The following CBLB variants were observed in gnomAD, a reference collection of about 807,000 sequenced individuals.
The protein encoded by CBLB is Cbl proto-oncogene B.
Under a neutral mutation model 104.9 loss-of-function variants are expected in CBLB, and 31 were observed. The observed-to-expected ratio is 0.30, with a 90% CI of 0.22 to 0.40. CBLB has a LOEUF of 0.40. Among genes scored for constraint, CBLB ranks in the 10% least tolerant of loss-of-function variants. The probability of loss-of-function intolerance (pLI) is 1.00; values close to 1 mark genes in which losing one functional copy is unlikely to be tolerated. For synonymous variants in CBLB, 440 were observed against 422.6 expected, an observed-to-expected ratio of 1.04 and a Z score of -0.51; for missense variants, 1,062 against 1,214.6, an observed-to-expected ratio of 0.87 and a Z score of 1.87.
At chr3:105,755,016 C>CTTTTTTTTTTT (rs67405809) in intron 4 of CBLB, among the ~76,000 whole-genome samples, 1 of 143,834 alleles carries the variant, frequency 7.0e-6, no homozygotes, top group Non-Finnish European at 1.5e-5. Context: ...AGTATCTTTT[C>CTTTTTTTTTTT]TTTTTTTTTT....
intron 4 of CBLB, among the ~76,000 whole-genome samples, chr3:105,768,837 C>A (rs2078519922): frequency 6.6e-6 from 1 of 151,888 alleles, no homozygotes; most frequent in Non-Finnish European, 1.5e-5. Context: ...ATGAACTGAA[C>A]TTAAAGAAAG....
At chr3:105,673,284 G>C (rs2152704234) in intron 17 of CBLB, 1 of 152,250 alleles carries the variant, frequency 6.6e-6, no homozygotes, top group South Asian at 2.1e-4. Flanking sequence ...GGCCAGGCTG[G>C]TGTCAAATTC....
At chr3:105,787,934 TAATG>T (rs2081209888) in intron 3 of CBLB, among the ~76,000 whole-genome samples, 1 of 152,216 alleles carries the variant, frequency 6.6e-6, no homozygotes, top group African/African-American at 2.4e-5. Context: ...TGTTTCATGT[TAATG>T]AATAGTAAAC....
chr3:105,818,943 A>T (rs1034845762), intron 3 of CBLB, among the ~76,000 whole-genome samples: 2 of 152,180 alleles, frequency 1.3e-5, no homozygotes, highest in Non-Finnish European at 2.9e-5. Flanking sequence ...TATAGTGAAA[A>T]AGTTTGTTTC....
At chr3:105,681,197 T>C (rs72993717) in intron 16 of CBLB, 195 of 503,338 alleles carry the variant, frequency 3.9e-4, no homozygotes, top group African/African-American at 3.1e-3. Context: ...TCAAAACTAC[T>C]AGAGCACAAA....
At chr3:105,748,963 T>C (rs1266910790) in intron 5 of CBLB, among the ~76,000 whole-genome samples, 3 of 152,192 alleles carry the variant, frequency 2.0e-5, no homozygotes, top group Non-Finnish European at 4.4e-5. Flanking sequence ...TAACTACTAA[T>C]ATCATGGCTA....
chr3:105,806,671 A>T (rs1174698276), intron 3 of CBLB, among the ~76,000 whole-genome samples: 8 of 151,892 alleles, frequency 5.3e-5, no homozygotes, highest in Non-Finnish European at 1.2e-4. Context: ...GTTACTTTTA[A>T]TTTTTTTTCA....
At chr3:105,756,969 T>A (rs578037511) in intron 4 of CBLB, among the ~76,000 whole-genome samples, 1 of 152,264 alleles carries the variant, frequency 6.6e-6, no homozygotes, top group African/African-American at 2.4e-5. Flanking sequence ...TCTGGTTGTT[T>A]AAGTGCACGG....
intron 6 of CBLB, among the ~76,000 whole-genome samples, chr3:105,741,661 C>T (rs2075601071): frequency 6.6e-6 from 1 of 152,118 alleles, no homozygotes; most frequent in Non-Finnish European, 1.5e-5. Context: ...TCCCAAAGTG[C>T]TGGGATTACA....
intron 3 of CBLB, among the ~76,000 whole-genome samples, chr3:105,782,452 T>C (rs897646719): frequency 5.3e-5 from 8 of 152,124 alleles, no homozygotes; most frequent in Admixed American, 3.3e-4. Flanking sequence ...TAAAGGAAGA[T>C]CTTACATTTC....
At chr3:105,782,511 C>T (rs2080381281) in intron 3 of CBLB, among the ~76,000 whole-genome samples, 1 of 152,118 alleles carries the variant, frequency 6.6e-6, no homozygotes, top group African/African-American at 2.4e-5. Flanking sequence ...GAGGTTACAC[C>T]CAAAATTCTG....
At chr3:105,700,221 C>A (rs1449854246) in intron 12 of CBLB, among the ~76,000 whole-genome samples, 3 of 151,776 alleles carry the variant, frequency 2.0e-5, no homozygotes, top group Non-Finnish European at 4.4e-5. Flanking sequence ...AAATTAACAG[C>A]CAGTTTTCTA....
chr3:105,813,249 TAG>T (rs1418438204), intron 3 of CBLB, among the ~76,000 whole-genome samples: 2 of 152,092 alleles, frequency 1.3e-5, no homozygotes, highest in East Asian at 3.8e-4. Flanking sequence ...TCAAATTAAC[TAG>T]ATCAAACAAA....
intron 13 of CBLB, among the ~76,000 whole-genome samples, chr3:105,688,349 C>A (rs3772538): frequency 2.0e-5 from 3 of 151,986 alleles, no homozygotes; most frequent in Non-Finnish European, 2.9e-5. Flanking sequence ...CCACCCCCCC[C>A]ACAACCTGGA....
intron 2 of CBLB, among the ~76,000 whole-genome samples, chr3:105,864,354 G>C (rs1396914754): frequency 6.6e-6 from 1 of 152,168 alleles, no homozygotes; most frequent in Non-Finnish European, 1.5e-5. Context: ...CTCAAAAAAT[G>C]TTTATTAAGT....
At chr3:105,848,391 C>T (rs1266616382) in intron 3 of CBLB, among the ~76,000 whole-genome samples, 1 of 152,004 alleles carries the variant, frequency 6.6e-6, no homozygotes, top group East Asian at 1.9e-4. Context: ...CTACCTCTCT[C>T]CTTCTACACA....
At chr3:105,819,256 G>A (rs951813791) in intron 3 of CBLB, among the ~76,000 whole-genome samples, 1 of 152,180 alleles carries the variant, frequency 6.6e-6, no homozygotes, top group Non-Finnish European at 1.5e-5. Context: ...GGAGGCCAAG[G>A]GGGGTGGATC....
intron 3 of CBLB, among the ~76,000 whole-genome samples, chr3:105,846,639 A>G (rs2090292338): frequency 6.6e-6 from 1 of 152,150 alleles, no homozygotes; most frequent in Non-Finnish European, 1.5e-5. Flanking sequence ...GAAGCCAACC[A>G]AAGTTACAAA....
intron 3 of CBLB, among the ~76,000 whole-genome samples, chr3:105,777,106 A>C (rs2079571656): frequency 6.6e-6 from 1 of 152,208 alleles, no homozygotes; most frequent in Non-Finnish European, 1.5e-5. Context: ...CATTTTTGGC[A>C]CAGTGAAAGC....
Sources: gnomAD v4.1 joint callset for allele counts (sites outside exome capture counted in the v4.1 genomes callset) on GRCh38, gnomAD v4.1.1 for gene constraint, MANE v1.5 for transcripts, NCBI Gene and HGNC (gene_info 2026-07-23, HGNC 2026-07-21) for gene names.